Variants in APP observed in about 807,000 individuals in gnomAD.
APP encodes the protein amyloid beta precursor protein, also known as amyloid-beta precursor protein.
Under a neutral mutation model 101.4 loss-of-function variants are expected in APP, and 31 were observed. The observed-to-expected ratio is 0.31, with a 90% CI of 0.23 to 0.41. APP has a LOEUF of 0.41. APP is among the 10% of genes least tolerant of loss of function. The pLI is 1.00. For missense variants in APP, 839 were observed against 1,003.7 expected (o/e 0.84, Z 2.22); for synonymous variants, 366 against 364.4 (o/e 1.00, Z -0.05).
intron 1 of APP, among the ~76,000 whole-genome samples, chr21:26,137,254 G>A (rs1013877824): frequency 6.6e-6 from 1 of 152,172 alleles, no homozygotes; most frequent in Non-Finnish European, 1.5e-5. Context: ...TTTTCAAACC[G>A]TATTTGAAGT....
intron 1 of APP, among the ~76,000 whole-genome samples, chr21:26,151,829 C>A (rs2063276713): frequency 6.6e-6 from 1 of 152,178 alleles, no homozygotes; most frequent in Non-Finnish European, 1.5e-5. Context: ...ACGCCACAGA[C>A]CGGTACCAGT....
intron 5 of APP, among the ~76,000 whole-genome samples, chr21:26,038,384 AGGTGG>A (rs1166888665): frequency 6.6e-6 from 1 of 152,186 alleles, no homozygotes; most frequent in Admixed American, 6.5e-5. Context: ...ATCAAACCAG[AGGTGG>A]GAGATGAGTC....
chr21:26,160,680 C>T (rs2063471192), intron 1 of APP, among the ~76,000 whole-genome samples: 1 of 152,036 alleles, frequency 6.6e-6, no homozygotes, highest in Non-Finnish European at 1.5e-5. Flanking sequence ...AAAAAAAAGA[C>T]AATGACAGAG....
chr21:26,116,825 G>C (rs2062445861), intron 1 of APP, among the ~76,000 whole-genome samples: 1 of 152,152 alleles, frequency 6.6e-6, no homozygotes, highest in Non-Finnish European at 1.5e-5. Context: ...CTCATATAAT[G>C]AAGTATTTGG....
chr21:25,954,957 TGATCTTG>T (rs1569102215), intron 12 of APP, among the ~76,000 whole-genome samples: 10 of 151,278 alleles, frequency 6.6e-5, no homozygotes, highest in African/African-American at 2.4e-4. Flanking sequence ...GTTTAAGACT[TGATCTTG>T]AAACTTACCA....
intron 6 of APP, among the ~76,000 whole-genome samples, chr21:26,016,457 A>G (rs2044066885): frequency 2.0e-5 from 3 of 152,258 alleles, no homozygotes; most frequent in Admixed American, 2.0e-4. Flanking sequence ...ATTTGTGTGT[A>G]TTTATAAAGA....
At chr21:26,031,833 C>CA (rs1041256108) in intron 5 of APP, among the ~76,000 whole-genome samples, 10 of 152,286 alleles carry the variant, frequency 6.6e-5, no homozygotes, top group Non-Finnish European at 1.0e-4. Flanking sequence ...GCACGCTCCC[C>CA]AAAATGCAGC....
intron 2 of APP, among the ~76,000 whole-genome samples, chr21:26,104,384 G>A (rs1169947116): frequency 6.6e-6 from 1 of 151,972 alleles, no homozygotes. Flanking sequence ...GCAGGTATTT[G>A]ACCAATGACT....
intron 13 of APP, among the ~76,000 whole-genome samples, chr21:25,948,161 A>ATTTT (rs59620258): frequency 0.066 from 9,695 of 147,380 alleles, 581 homozygotes; most frequent in African/African-American, 0.13. Flanking sequence ...TGCTGTTATG[A>ATTTT]TTTTTTTTTT....
chr21:25,909,147 C>T (rs1302000951), intron 14 of APP, among the ~76,000 whole-genome samples: 2 of 151,630 alleles, frequency 1.3e-5, no homozygotes, highest in South Asian at 2.1e-4. Flanking sequence ...CCTATAGTCC[C>T]AGCTACTCGG....
intron 1 of APP, among the ~76,000 whole-genome samples, chr21:26,125,675 G>A (rs1365666380): frequency 1.3e-5 from 2 of 151,954 alleles, no homozygotes; most frequent in East Asian, 1.9e-4. Flanking sequence ...TGTCCTGACG[G>A]GGGTGGGGGA....
At chr21:25,946,846 AT>A (rs2146455739) in intron 13 of APP, among the ~76,000 whole-genome samples, 1 of 152,286 alleles carries the variant, frequency 6.6e-6, no homozygotes, top group South Asian at 2.1e-4. Context: ...AATTCCTCAA[AT>A]TTCTGCCAGC....
chr21:25,952,189 C>T (rs28412041), intron 13 of APP, among the ~76,000 whole-genome samples: 35 of 136,426 alleles, frequency 2.6e-4, no homozygotes, highest in African/African-American at 8.3e-4. Context: ...ATATTACATA[C>T]ATACACACAC....
intron 13 of APP, among the ~76,000 whole-genome samples, chr21:25,944,918 T>G (rs1240520292): frequency 2.0e-5 from 3 of 152,206 alleles, no homozygotes; most frequent in African/African-American, 7.2e-5. Context: ...AATTTGGATT[T>G]CTTTTTAGAT....
At position 25,895,705 on chromosome 21, in the gene APP, G is replaced by A. The variant is rs1015502068; in HGVS notation, c.2064+1868C>T. Among the ~76,000 whole-genome samples the A allele has an allele frequency of 9.9e-5, 15 of 152,050 alleles. 1 individual carries two copies. In the South Asian group the frequency reaches 2.7e-3, roughly 27 times the overall value. On this transcript the variant is annotated intron_variant, in intron 16 of 17. Coordinates refer to ENST00000346798, the MANE Select transcript of APP (RefSeq NM_000484.4). ...AGCAACTTCTAAAAGTGTTTTACTC[G>A]TGGTTTATAACAAAATGAGAAATTG...
At chr21:26,155,053 C>G (rs984551930) in intron 1 of APP, among the ~76,000 whole-genome samples, 3 of 152,182 alleles carry the variant, frequency 2.0e-5, no homozygotes, top group African/African-American at 7.2e-5. Context: ...GAGTTCAAGA[C>G]CAGCCTGGCC....
At chr21:26,063,502 A>C (rs1161464526) in intron 3 of APP, among the ~76,000 whole-genome samples, 2 of 152,124 alleles carry the variant, frequency 1.3e-5, no homozygotes, top group South Asian at 2.1e-4. Flanking sequence ...AAAATATGCA[A>C]GATGAGACTG....
chr21:26,114,908 C>G (rs1214627106), intron 1 of APP, among the ~76,000 whole-genome samples: 1 of 151,392 alleles, frequency 6.6e-6, no homozygotes, highest in Admixed American at 6.6e-5. Context: ...TTTTTTAATG[C>G]CATCTGTTGG....
intron 3 of APP, 127 bp from the exon 4 acceptor site, chr21:26,053,475 C>A: frequency 1.4e-6 from 1 of 712,500 alleles, no homozygotes. Flanking sequence ...GCAACCCAAT[C>A]AAGACCCTAC....
Sources: gnomAD v4.1 joint callset for allele counts (sites outside exome capture counted in the v4.1 genomes callset) on GRCh38, gnomAD v4.1.1 for gene constraint, MANE v1.5 for transcripts, NCBI Gene and HGNC (gene_info 2026-07-23, HGNC 2026-07-21) for gene names.